Variants in TMCC1 observed in about 807,000 individuals in gnomAD.
The protein encoded by TMCC1 is transmembrane and coiled-coil domain family 1.
A neutral mutation model predicts 52.4 loss-of-function variants in TMCC1; 15 were observed. That is an observed-to-expected ratio of 0.29 (90% confidence interval 0.19 to 0.44). TMCC1 has a LOEUF of 0.44. TMCC1 is among the 20% of genes least tolerant of loss of function. The pLI is 1.00. For missense variants in TMCC1, 503 were observed against 806.0 expected, an observed-to-expected ratio of 0.62 and a Z score of 4.55; for synonymous variants, 279 against 301.9, an observed-to-expected ratio of 0.92 and a Z score of 0.79.
chr3:129,697,198 C>T lies in TMCC1; in HGVS notation c.577-25934G>A, dbSNP rs147061903. Among the ~76,000 whole-genome samples, 446 of 152,326 alleles carry T rather than the reference C, an allele frequency of 2.9e-3. 5 individuals carry two copies. Among genetic ancestry groups the T allele is most frequent in the Middle Eastern group, 0.01 (3 of 294 alleles). On this transcript the variant is annotated intron_variant, in intron 4 of 6. Transcript: ENST00000393238. ...GCAAACTTTTGCCTGGACATCCAGGCGTTTCCATACATCCTTTGAAATCTA... is the reference window on the plus strand; with the variant it reads ...GCAAACTTTTGCCTGGACATCCAGGTGTTTCCATACATCCTTTGAAATCTA...
intron 4 of TMCC1, among the ~76,000 whole-genome samples, chr3:129,673,828 T>C (rs1475910562): frequency 1.4e-5 from 1 of 72,420 alleles, no homozygotes; most frequent in Non-Finnish European, 4.5e-5. Context: ...ATCTCTAAAA[T>C]GAAAAAAAAA....
At chr3:129,887,586 T>C (rs1037000953) in intron 1 of TMCC1, among the ~76,000 whole-genome samples, 2 of 151,698 alleles carry the variant, frequency 1.3e-5, no homozygotes, top group Non-Finnish European at 2.9e-5. Flanking sequence ...TAAATGTTAT[T>C]TATCTTGTAC....
rs1363154580 is a variant in TMCC1, at chr3:129,756,261, C to T, written c.576+71542G>A. 2.6e-5 allele frequency among the ~76,000 whole-genome samples: 4 copies of T among 152,232 alleles called. No homozygotes were observed. In the East Asian group the frequency reaches 7.7e-4, roughly 29 times the overall value. On this transcript the variant is annotated intron_variant, in intron 4 of 6. Transcript: ENST00000393238. ...TGTGAATGTTTATAGTAGCTTTCTT[C>T]ATCATCACTAAATACTGGAAGCAAT...
chr3:129,803,851 C>A (rs1403828008), intron 4 of TMCC1, among the ~76,000 whole-genome samples: 2 of 152,122 alleles, frequency 1.3e-5, no homozygotes, highest in Non-Finnish European at 2.9e-5. Flanking sequence ...AAAATATAAT[C>A]AATTTCTTAG....
At chr3:129,861,395 G>A (rs907755482) in intron 2 of TMCC1, among the ~76,000 whole-genome samples, 14 of 152,022 alleles carry the variant, frequency 9.2e-5, no homozygotes, top group East Asian at 1.9e-4. Flanking sequence ...AGCCGAGATC[G>A]CACCACTGCA....
chr3:129,780,913 T>C (rs563191853), intron 4 of TMCC1, among the ~76,000 whole-genome samples: 30 of 152,274 alleles, frequency 2.0e-4, no homozygotes, highest in African/African-American at 6.7e-4. Flanking sequence ...GGTTGCTAGT[T>C]AAATTAAAAT....
At chr3:129,768,558 T>C (rs1333136978) in intron 4 of TMCC1, among the ~76,000 whole-genome samples, 1 of 152,112 alleles carries the variant, frequency 6.6e-6, no homozygotes, top group African/African-American at 2.4e-5. Flanking sequence ...ACTTAAACCA[T>C]CCATTCTTTT....
chr3:129,734,901 G>A (rs979231234), intron 4 of TMCC1, among the ~76,000 whole-genome samples: 2 of 150,472 alleles, frequency 1.3e-5, no homozygotes, highest in East Asian at 1.9e-4. Flanking sequence ...TTTTCTGTTC[G>A]AAATTTTTTT....
intron 4 of TMCC1, among the ~76,000 whole-genome samples, chr3:129,756,470 G>T (rs1165910862): frequency 6.6e-6 from 1 of 152,046 alleles, no homozygotes; most frequent in Non-Finnish European, 1.5e-5. Context: ...CTGGAGTGCA[G>T]TGGTTGCAAC....
At chr3:129,770,808 G>A (rs1244249179) in intron 4 of TMCC1, among the ~76,000 whole-genome samples, 1 of 152,078 alleles carries the variant, frequency 6.6e-6, no homozygotes, top group East Asian at 1.9e-4. Flanking sequence ...CAGGGATACT[G>A]CACAAATTTA....
chr3:129,685,973 A>G (rs1219625861), intron 4 of TMCC1, among the ~76,000 whole-genome samples: 1 of 152,170 alleles, frequency 6.6e-6, no homozygotes, highest in Non-Finnish European at 1.5e-5. Context: ...AATCAATTTT[A>G]CTTTCCAAAT....
chr3:129,831,067 T>C (rs1268284927), intron 3 of TMCC1, among the ~76,000 whole-genome samples: 1 of 152,096 alleles, frequency 6.6e-6, no homozygotes, highest in African/African-American at 2.4e-5. Flanking sequence ...CCAGAGTAGC[T>C]AGGATTACAG....
At chr3:129,820,641 T>C (rs2058370171) in intron 4 of TMCC1, among the ~76,000 whole-genome samples, 1 of 152,120 alleles carries the variant, frequency 6.6e-6, no homozygotes, top group South Asian at 2.1e-4. Context: ...AAAACGACTG[T>C]AGAAATCTCT....
intron 2 of TMCC1, among the ~76,000 whole-genome samples, chr3:129,855,281 T>C (rs950656080): frequency 2.0e-5 from 3 of 152,190 alleles, no homozygotes; most frequent in Non-Finnish European, 4.4e-5. Flanking sequence ...AATTAGTTTT[T>C]TGAGTTTTTC....
In TMCC1 at chr3:129,650,547, C is replaced by T. The variant is rs148576912; in HGVS notation, c.*934G>A. On this transcript the variant is annotated 3_prime_UTR_variant, in exon 7 of 7. Transcript: ENST00000393238. ...GGAGCAGCACACTTAAATATCCACACATTTCTTCATTTAAAAACATCACTT... is the reference window on the plus strand; with the variant it reads ...GGAGCAGCACACTTAAATATCCACATATTTCTTCATTTAAAAACATCACTT... 24 of 152,686 alleles carry T rather than the reference C, an allele frequency of 1.6e-4. No homozygotes were observed. In the East Asian group the frequency reaches 4.4e-3, roughly 28 times the overall value. 9.5% of individuals were successfully genotyped at this position (152,686 alleles called of 1,614,324 possible). A position where few individuals can be genotyped will look rare whatever the true frequency, so the allele number is the denominator to read the frequency against.
chr3:129,660,659 T>G (rs947179272), intron 5 of TMCC1, among the ~76,000 whole-genome samples: 5 of 152,240 alleles, frequency 3.3e-5, no homozygotes, highest in Non-Finnish European at 5.9e-5. Context: ...TGGCTCAAGT[T>G]TGCCAGATAA....
chr3:129,706,854 A>G (rs2048285443), intron 4 of TMCC1, among the ~76,000 whole-genome samples: 1 of 152,044 alleles, frequency 6.6e-6, no homozygotes. Flanking sequence ...CTGGAGTGCA[A>G]TGGCTATTCA....
At chr3:129,666,319 G>A (rs561605335) in intron 5 of TMCC1, among the ~76,000 whole-genome samples, 74 of 152,316 alleles carry the variant, frequency 4.9e-4, no homozygotes, top group African/African-American at 1.6e-3. Context: ...TAACCTGAGA[G>A]TATCACTCTA....
intron 4 of TMCC1, among the ~76,000 whole-genome samples, chr3:129,802,447 A>C (rs2057247769): frequency 6.6e-6 from 1 of 152,216 alleles, no homozygotes; most frequent in Non-Finnish European, 1.5e-5. Flanking sequence ...AACAATATGT[A>C]AACTACAATA....
Sources: gnomAD v4.1 joint callset for allele counts (sites outside exome capture counted in the v4.1 genomes callset) on GRCh38, gnomAD v4.1.1 for gene constraint, MANE v1.5 for transcripts, NCBI Gene and HGNC (gene_info 2026-07-23, HGNC 2026-07-21) for gene names.